The following PHF21A variants were observed in gnomAD, a reference collection of about 807,000 sequenced individuals.
PHF21A encodes the protein BHC80a.
Under a neutral mutation model 82.5 loss-of-function variants are expected in PHF21A, and 11 were observed. The ratio of observed to expected loss-of-function variants is 0.13; its 90% CI spans 0.08 to 0.22. PHF21A has a LOEUF of 0.22. Among genes scored for constraint, PHF21A ranks in the 10% least tolerant of loss-of-function variants. PHF21A has a pLI of 1.00. For synonymous variants in PHF21A, 297 were observed against 302.8 expected (o/e 0.98, Z 0.20); for missense variants, 579 against 837.8 (o/e 0.69, Z 3.81).
At chr11:45,987,061 G>C (rs557228631) in intron 6 of PHF21A, among the ~76,000 whole-genome samples, 20 of 152,048 alleles carry the variant, frequency 1.3e-4, no homozygotes, top group Non-Finnish European at 2.1e-4. Flanking sequence ...CCATAATTAT[G>C]AATGCGTAAA....
intron 1 of PHF21A, among the ~76,000 whole-genome samples, chr11:46,108,555 A>G (rs1423944913): frequency 1.1e-5 from 1 of 94,850 alleles, no homozygotes; most frequent in Non-Finnish European, 2.1e-5. Context: ...TTCTTTAAAA[A>G]TGTGTGTGTG....
intron 15 of PHF21A, among the ~76,000 whole-genome samples, chr11:45,939,089 C>T (rs970076904): frequency 6.6e-6 from 1 of 152,210 alleles, no homozygotes; most frequent in Non-Finnish European, 1.5e-5. Context: ...GCCTCAGCCT[C>T]CCAAAGTGCT....
At chr11:46,109,982 A>G (rs893903249) in intron 1 of PHF21A, among the ~76,000 whole-genome samples, 1 of 146,046 alleles carries the variant, frequency 6.8e-6, no homozygotes, top group African/African-American at 2.5e-5. Flanking sequence ...CTCCGTGTCA[A>G]AAAAAAAAAA....
At chr11:46,040,770 A>G (rs924163901) in intron 6 of PHF21A, among the ~76,000 whole-genome samples, 7 of 152,098 alleles carry the variant, frequency 4.6e-5, no homozygotes, top group African/African-American at 1.7e-4. Flanking sequence ...ATTTTTTCTT[A>G]TAACACTGAT....
At chr11:46,038,705 C>T (rs888430043) in intron 6 of PHF21A, among the ~76,000 whole-genome samples, 9 of 152,156 alleles carry the variant, frequency 5.9e-5, no homozygotes, top group African/African-American at 2.2e-4. Context: ...CAGGGTATCA[C>T]ATGGCGAGGT....
chr11:46,053,882 C>T (rs1325086160), intron 6 of PHF21A, among the ~76,000 whole-genome samples: 1 of 152,098 alleles, frequency 6.6e-6, no homozygotes, highest in Non-Finnish European at 1.5e-5. Flanking sequence ...CCTTGCTCTG[C>T]TGCATGTGAT....
chr11:45,975,747 TAAGTA>T (rs2093993342), intron 7 of PHF21A, among the ~76,000 whole-genome samples: 1 of 152,212 alleles, frequency 6.6e-6, no homozygotes, highest in Admixed American at 6.5e-5. Context: ...TGACGTTAAC[TAAGTA>T]AAGCAAACTG....
rs1591536785 is a variant in PHF21A, at chr11:45,979,809, T to C, written c.311A>G (p.His104Arg). ...QLQQQQQYHH[H>R]HAQQSAAASP... ...GGCTGCAGCTGACTGCTGGGCGTGG[T>C]GGTGGTGGTACTGCTGCTGTTGTTG... The change falls in exon 7 of 19, where the codon CAC (histidine) becomes CGC (arginine). Residue 104 changes from histidine to arginine, a missense_variant. His to Arg is a conservative substitution (Grantham distance 29). This residue lies in a region of PHF21A where 410 missense variants were observed against 642.1 expected (regional missense o/e 0.64). Transcript: ENST00000676320. The C allele has an allele frequency of 6.2e-7, 1 of 1,613,844 alleles. No individual in the cohort carries two copies. Among genetic ancestry groups the C allele is most frequent in the Non-Finnish European group, 8.5e-7 (1 of 1,180,010 alleles).
chr11:46,046,850 C>T (rs1487914805), intron 6 of PHF21A, among the ~76,000 whole-genome samples: 1 of 152,176 alleles, frequency 6.6e-6, no homozygotes, highest in Non-Finnish European at 1.5e-5. Flanking sequence ...GGATTTCTCC[C>T]ATCCACACAG....
At chr11:45,935,212 G>A in intron 18 of PHF21A, 1 of 1,292,504 alleles carries the variant, frequency 7.7e-7, no homozygotes, top group South Asian at 1.2e-5. Flanking sequence ...AAGAGCGAGG[G>A]AGGGCCGTAC....
intron 6 of PHF21A, among the ~76,000 whole-genome samples, chr11:46,026,537 C>T (rs150231324): frequency 2.0e-5 from 3 of 152,172 alleles, no homozygotes; most frequent in East Asian, 1.9e-4. Context: ...CTTTAGCTAC[C>T]TCTTCTCTAC....
intron 10 of PHF21A, among the ~76,000 whole-genome samples, chr11:45,963,082 T>C (rs1175375865): frequency 3.3e-5 from 5 of 151,948 alleles, no homozygotes; most frequent in African/African-American, 1.2e-4. Flanking sequence ...AATACATAAG[T>C]TTGATTTTGG....
At chr11:45,974,027 A>G (rs189495076) in intron 7 of PHF21A, among the ~76,000 whole-genome samples, 2 of 152,202 alleles carry the variant, frequency 1.3e-5, no homozygotes, top group Admixed American at 6.5e-5. Flanking sequence ...CACTTTAAAA[A>G]CACTGAAACC....
At chr11:45,990,599 C>T (rs1330878658) in intron 6 of PHF21A, among the ~76,000 whole-genome samples, 2 of 152,032 alleles carry the variant, frequency 1.3e-5, no homozygotes, top group Non-Finnish European at 1.5e-5. Context: ...AGTACTGAAG[C>T]TGTGATTCAT....
intron 1 of PHF21A, among the ~76,000 whole-genome samples, chr11:46,097,373 T>G (rs959241): frequency 0.96 from 145,312 of 152,102 alleles, 69,760 homozygotes; most frequent in East Asian, 1. Context: ...CGCTCAATCC[T>G]TTCCAGCAAC....
intron 15 of PHF21A, among the ~76,000 whole-genome samples, chr11:45,941,004 T>C (rs2090244522): frequency 6.6e-6 from 1 of 152,238 alleles, no homozygotes; most frequent in Non-Finnish European, 1.5e-5. Flanking sequence ...CTATAATTTT[T>C]GGTGTTAAGA....
intron 6 of PHF21A, among the ~76,000 whole-genome samples, chr11:46,065,695 C>T (rs1565815620): frequency 6.6e-6 from 1 of 152,200 alleles, no homozygotes; most frequent in Non-Finnish European, 1.5e-5. Context: ...CTGTCAGTGA[C>T]TAGCACAGCC....
At chr11:46,010,779 T>G (rs2095396317) in intron 6 of PHF21A, among the ~76,000 whole-genome samples, 1 of 152,202 alleles carries the variant, frequency 6.6e-6, no homozygotes. Flanking sequence ...GGAAATTCAC[T>G]GTGTCTCTCC....
chr11:45,979,433 C>G (rs1373562389), intron 7 of PHF21A, among the ~76,000 whole-genome samples: 1 of 152,168 alleles, frequency 6.6e-6, no homozygotes, highest in Non-Finnish European at 1.5e-5. Flanking sequence ...ACTTTTAGAA[C>G]AAGTGTAAAT....
Sources: allele counts gnomAD v4.1 joint callset (sites outside exome capture counted in the v4.1 genomes callset), GRCh38; gene constraint gnomAD v4.1.1; regional missense constraint gnomAD v4.1.1; transcripts MANE v1.5; gene names NCBI Gene and HGNC (gene_info 2026-07-23, HGNC 2026-07-21).